HMCN1: variants seen among roughly 807,000 people sequenced by gnomAD.
HMCN1 encodes hemicentin-1.
A neutral mutation model predicts 625.9 loss-of-function variants in HMCN1; 321 were observed. That is an observed-to-expected ratio of 0.51 (90% CI 0.47 to 0.56). The LOEUF is 0.56. HMCN1 is among the 20% of genes least tolerant of loss of function. The probability of loss-of-function intolerance (pLI) is 0.00; values close to 1 mark genes in which losing one functional copy is unlikely to be tolerated. For missense variants in HMCN1, 6,588 were observed against 6,887.3 expected, an observed-to-expected ratio of 0.96 and a Z score of 1.54; for synonymous variants, 2,425 against 2,417.6, an observed-to-expected ratio of 1.00 and a Z score of -0.09.
chr1:186,026,697 G>A (rs901708756), intron 36 of HMCN1, among the ~76,000 whole-genome samples: 6 of 151,960 alleles, frequency 3.9e-5, no homozygotes, highest in East Asian at 1.9e-4. Flanking sequence ...GCAGTGGTAC[G>A]GTCATGACTC....
chr1:186,187,866 C>G lies in HMCN1; in HGVS notation c.16415-17C>G, dbSNP rs781280957. On this transcript the variant is annotated splice_polypyrimidine_tract_variant and intron_variant, in intron 105 of 106. Transcript: ENST00000271588. ...ACCCTCACTGCTGATGCTGCATGTT[C>G]CCTGTGCTGTCCCTAGATATCGATG... 6.2e-7 allele frequency: 1 copy of G among 1,613,472 alleles called. No homozygotes were observed. The highest frequency in any genetic ancestry group is 1.1e-5 in the South Asian group (1 of 91,048).
At chr1:186,172,667 G>A (rs1045676396) in intron 102 of HMCN1, among the ~76,000 whole-genome samples, 1 of 152,110 alleles carries the variant, frequency 6.6e-6, no homozygotes, top group Admixed American at 6.6e-5. Context: ...GTATGTCTAG[G>A]CTGTACCAGC....
At chr1:186,050,590 G>C (rs1445145651) in intron 42 of HMCN1, among the ~76,000 whole-genome samples, 2 of 151,966 alleles carry the variant, frequency 1.3e-5, no homozygotes, top group African/African-American at 2.4e-5. Flanking sequence ...ATGGGTGAAT[G>C]AGTAATATTA....
chr1:185,927,866 A>G (rs1339641030), intron 9 of HMCN1, among the ~76,000 whole-genome samples: 2 of 152,188 alleles, frequency 1.3e-5, no homozygotes, highest in African/African-American at 4.8e-5. Context: ...AACAGATTAA[A>G]TATCTATTAC....
intron 57 of HMCN1, among the ~76,000 whole-genome samples, chr1:186,083,337 G>T (rs1284867445): frequency 6.6e-6 from 1 of 151,978 alleles, no homozygotes; most frequent in Non-Finnish European, 1.5e-5. Flanking sequence ...CTTAAGTGCA[G>T]AATTCATGTT....
intron 1 of HMCN1, among the ~76,000 whole-genome samples, chr1:185,775,283 G>A (rs1656517036): frequency 6.6e-6 from 1 of 152,122 alleles, no homozygotes; most frequent in African/African-American, 2.4e-5. Context: ...CACACCTGTA[G>A]TCCCAGCTAC....
chr1:186,067,390 A>G (rs1328860656), intron 49 of HMCN1, among the ~76,000 whole-genome samples: 2 of 152,080 alleles, frequency 1.3e-5, no homozygotes, highest in Non-Finnish European at 2.9e-5. Flanking sequence ...ATTTAATACT[A>G]CCATGCTCCC....
At position 186,157,321 on chromosome 1, in the gene HMCN1, G is replaced by A. The variant is rs115955328; in HGVS notation, c.15256+3334G>A. On this transcript the variant is annotated intron_variant, in intron 97 of 106. Transcript: ENST00000271588. ...CTTTTACTATCTTGAAATAAAAATT[G>A]TAACATAATTCAAAGTAACACACTT... Among the ~76,000 whole-genome samples the A allele has an allele frequency of 1.7e-3, 260 of 152,086 alleles. 1 individual carries two copies. Among genetic ancestry groups the A allele is most frequent in the African/African-American group, 5.9e-3 (245 of 41,500 alleles).
chr1:186,161,159 C>T (rs1478551259), intron 97 of HMCN1, among the ~76,000 whole-genome samples: 3 of 150,434 alleles, frequency 2.0e-5, no homozygotes, highest in East Asian at 1.9e-4. Context: ...GAATTGATCC[C>T]TTTACCATTA....
intron 4 of HMCN1, among the ~76,000 whole-genome samples, chr1:185,892,113 G>A (rs1665137399): frequency 6.7e-6 from 1 of 149,140 alleles, no homozygotes; most frequent in African/African-American, 2.6e-5. Flanking sequence ...CGGGTCCTGA[G>A]GCTTCTGCAT....
At chr1:185,930,620 T>C (rs1234307982) in intron 10 of HMCN1, among the ~76,000 whole-genome samples, 2 of 152,302 alleles carry the variant, frequency 1.3e-5, no homozygotes, top group Non-Finnish European at 2.9e-5. Flanking sequence ...TCTACCAATA[T>C]GTCGCCTCAA....
intron 4 of HMCN1, among the ~76,000 whole-genome samples, chr1:185,886,109 ATC>A (rs1271377137): frequency 4.6e-5 from 7 of 151,988 alleles, no homozygotes; most frequent in African/African-American, 9.7e-5. Flanking sequence ...ATTTTGTACC[ATC>A]TCTCTCTCTT....
In HMCN1 at chr1:186,015,984, G is replaced by A. The variant is rs780813287; in HGVS notation, c.4936G>A (p.Ala1646Thr). The change falls in exon 32 of 107, where the codon GCC becomes ACC. Residue 1646 changes from alanine (A) to threonine (T), a missense_variant. Physicochemically the swap from Ala to Thr is moderately conservative, Grantham distance 58. Around this residue, in one of 3 missense-constraint regions of HMCN1, gnomAD observed 4,628 missense variants for 4,853.1 expected, o/e 0.95. Transcript: ENST00000271588. ...YVPPMIEGNL[A>T]TPLNKQVVIA... is the part of the protein sequence containing the mutation. ...TCCTCCAATGATTGAAGGCAACTTG[G>A]CCACGCCTTTGAATAAGCAAGTAGT... 6.8e-6 allele frequency: 11 copies of A among 1,613,284 alleles called. No individual in the cohort carries two copies. The Admixed American group carries it at 1.2e-4, about 17-fold the overall frequency.
At chr1:186,094,592 C>G (rs1453686197) in intron 67 of HMCN1, among the ~76,000 whole-genome samples, 2 of 152,008 alleles carry the variant, frequency 1.3e-5, no homozygotes, top group African/African-American at 4.8e-5. Context: ...TAGAAATTTG[C>G]ACTAAATCAA....
rs1346852243 is a variant in HMCN1, at chr1:186,114,847, C to T, written c.11305C>T (p.His3769Tyr). The change falls in exon 74 of 107, where the codon CAT (histidine) becomes TAT (tyrosine). Residue 3769 changes from histidine (H) to tyrosine (Y), a missense_variant. Physicochemically the swap from His to Tyr is moderately conservative, Grantham distance 83. Transcript: ENST00000271588. Reference sequence around the variant, plus strand: ...TTCCATCTTGGAAAATGGATTCCTTCATATTCAATCAGCACATGTCACTGA... The same window carrying T: ...TTCCATCTTGGAAAATGGATTCCTTTATATTCAATCAGCACATGTCACTGA... ...RYSILENGFL[H>Y]IQSAHVTDTG... is the part of the protein sequence containing the mutation. The T allele has an allele frequency of 1.2e-6, 2 of 1,613,950 alleles. No individual in the cohort carries two copies. Among genetic ancestry groups the T allele is most frequent in the African/African-American group, 1.3e-5 (1 of 74,924 alleles).
At chr1:185,771,043 A>G (rs751473597) in intron 1 of HMCN1, among the ~76,000 whole-genome samples, 26 of 152,194 alleles carry the variant, frequency 1.7e-4, no homozygotes, top group Non-Finnish European at 2.6e-4. Flanking sequence ...CAGAGAGGAC[A>G]GGACCATGTT....
intron 4 of HMCN1, among the ~76,000 whole-genome samples, chr1:185,884,037 T>C (rs955093531): frequency 6.6e-6 from 1 of 151,852 alleles, no homozygotes; most frequent in African/African-American, 2.4e-5. Context: ...GTAGATTTGG[T>C]TGATCCTTTG....
intron 1 of HMCN1, among the ~76,000 whole-genome samples, chr1:185,782,175 C>CT (rs1557964013): frequency 6.6e-6 from 1 of 151,962 alleles, no homozygotes; most frequent in African/African-American, 2.4e-5. Context: ...CAACCTCTGC[C>CT]TTTTTTTGTT....
intron 97 of HMCN1, 105 bp from the exon 98 acceptor site, chr1:186,165,006 T>C: frequency 1.0e-6 from 1 of 969,508 alleles, no homozygotes; most frequent in African/African-American, 1.6e-5. Flanking sequence ...TTTTGCATCA[T>C]GTGTTTCATC....
Sources: allele counts gnomAD v4.1 joint callset (sites outside exome capture counted in the v4.1 genomes callset), GRCh38; gene constraint gnomAD v4.1.1; regional missense constraint gnomAD v4.1.1; transcripts MANE v1.5; gene names NCBI Gene and HGNC (gene_info 2026-07-23, HGNC 2026-07-21).